The following TAF4B variants were observed in gnomAD, a reference collection of about 807,000 sequenced individuals.
The protein encoded by TAF4B is TATA-box binding protein associated factor 4b.
TAF4B carries 38 observed loss-of-function variants against 86.4 expected under a neutral mutation model. The observed-to-expected ratio is 0.44, with a 90% CI of 0.34 to 0.58. The LOEUF is 0.58. Among genes scored for constraint, TAF4B ranks in the 20% least tolerant of loss-of-function variants. TAF4B has a pLI of 0.02. For synonymous variants in TAF4B, 388 were observed against 391.2 expected (o/e 0.99, Z 0.10); for missense variants, 988 against 1,027.6 (o/e 0.96, Z 0.53).
At chr18:26,317,012 C>T (rs537043650) in intron 10 of TAF4B, among the ~76,000 whole-genome samples, 1 of 147,398 alleles carries the variant, frequency 6.8e-6, no homozygotes, top group African/African-American at 2.5e-5. Flanking sequence ...TTTTATCGGT[C>T]ACCCTCCCTT....
chr18:26,281,681 G>C (rs567475997), intron 5 of TAF4B, among the ~76,000 whole-genome samples: 2 of 152,120 alleles, frequency 1.3e-5, no homozygotes, highest in Non-Finnish European at 2.9e-5. Context: ...ATTCTTAATT[G>C]TTCTTAACAG....
In TAF4B at chr18:26,226,825, C is replaced by T. The variant is rs917877973; in HGVS notation, c.-109C>T. The T allele has an allele frequency of 1.8e-5, 16 of 899,176 alleles. No homozygotes were observed. The highest frequency in any genetic ancestry group is 4.3e-5 in the Admixed American group (1 of 23,382). 55.7% of individuals were successfully genotyped at this position (899,176 alleles called of 1,614,324 possible). A position where few individuals can be genotyped will look rare whatever the true frequency, so the allele number is the denominator to read the frequency against. The stretch of plus-strand genomic sequence containing the variant: ...CTGCGGCCCCCGCGCCTCTCCCCAG[C>T]GATGCTGTGGAACCCGAACCGCACC... On this transcript the variant is annotated 5_prime_UTR_variant, in exon 1 of 15. Coordinates refer to ENST00000269142, the MANE Select transcript of TAF4B (RefSeq NM_005640.3).
chr18:26,278,400 G>T (rs1163836511), intron 5 of TAF4B, among the ~76,000 whole-genome samples: 2 of 152,072 alleles, frequency 1.3e-5, no homozygotes, highest in Non-Finnish European at 2.9e-5. Context: ...AAACTTACGG[G>T]CTCAAGGGCT....
intron 1 of TAF4B, among the ~76,000 whole-genome samples, chr18:26,238,754 G>T (rs577194382): frequency 6.6e-6 from 1 of 151,874 alleles, no homozygotes; most frequent in African/African-American, 2.4e-5. Context: ...CCCACCCCAC[G>T]ACAGGCCCCA....
chr18:26,323,999 A>G (rs1022615895), intron 11 of TAF4B, among the ~76,000 whole-genome samples: 2 of 151,842 alleles, frequency 1.3e-5, no homozygotes, highest in Non-Finnish European at 1.5e-5. Flanking sequence ...TCTGCTTCTT[A>G]TGTTTAATTG....
rs1276891207 is a variant in TAF4B at position 26,390,254 on chromosome 18, C to T, written c.*242C>T. 6 of 390,528 alleles carry T rather than the reference C, an allele frequency of 1.5e-5. No individual in the cohort carries two copies. Among genetic ancestry groups the T allele is most frequent in the Admixed American group, 4.3e-5 (1 of 23,034 alleles). The allele number at this position is 390,528 out of a possible 1,614,324, so 24.2% of individuals were successfully genotyped here. A position where few individuals can be genotyped will look rare whatever the true frequency, so the allele number is the denominator to read the frequency against. ...CACTTTGCACAGAATTAGGCATCTG[C>T]CTATCTGTGCATTAAATTAAAGCAA... On this transcript the variant is annotated 3_prime_UTR_variant, in exon 15 of 15. Transcript: ENST00000269142.
rs1350393878 is a variant in TAF4B at position 26,285,999 on chromosome 18, TCTC to T, written c.1093_1095del (p.Pro365del). 1.2e-6 allele frequency: 2 copies of T among 1,614,180 alleles called. No homozygotes were observed. The highest frequency in any genetic ancestry group is 1.7e-5 in the Admixed American group (1 of 60,028). ...TACCTGTACTACAACAGTAACAACT[TCTC>T]CTGTGGTGACAACTACAGTGTCCTC... is the stretch of plus-strand genomic sequence containing the variant. On this transcript the variant is annotated inframe_deletion, in exon 7 of 15. Coordinates refer to ENST00000269142, the MANE Select transcript of TAF4B (RefSeq NM_005640.3).
At chr18:26,299,801 A>C (rs1009193698) in intron 9 of TAF4B, among the ~76,000 whole-genome samples, 1 of 152,086 alleles carries the variant, frequency 6.6e-6, no homozygotes, top group Non-Finnish European at 1.5e-5. Flanking sequence ...TTTCAGATTT[A>C]TCAGCAAGAA....
intron 5 of TAF4B, 148 bp from the exon 6 acceptor site, chr18:26,281,823 T>C (rs2144583912): frequency 3.4e-6 from 2 of 587,866 alleles, no homozygotes; most frequent in East Asian, 5.7e-5. Flanking sequence ...CTTACACATT[T>C]CATAGGTGGC....
chr18:26,352,383 AAATTGG>A (rs745666948), intron 13 of TAF4B, among the ~76,000 whole-genome samples: 3 of 151,984 alleles, frequency 2.0e-5, no homozygotes, highest in Non-Finnish European at 4.4e-5. Flanking sequence ...CTTCCTTGAG[AAATTGG>A]AATAGGAAGA....
chr18:26,282,494 A>T (rs980263048), intron 6 of TAF4B, among the ~76,000 whole-genome samples: 1 of 152,228 alleles, frequency 6.6e-6, no homozygotes, highest in Non-Finnish European at 1.5e-5. Context: ...TATGCTAATT[A>T]AAAAATATTT....
intron 1 of TAF4B, among the ~76,000 whole-genome samples, chr18:26,228,548 G>A (rs1435143672): frequency 6.6e-6 from 1 of 152,028 alleles, no homozygotes; most frequent in East Asian, 1.9e-4. Context: ...AGTTCTGAAT[G>A]TGTTAGAATG....
rs143541739 is a variant in TAF4B, at chr18:26,302,867, C to CT, written c.1832+9343dup. ...GGATCTTCTCTTTTTTTTAATCTTT[C>CT]TTTTTTTAAAATGCCTCTAATCAAT... On this transcript the variant is annotated intron_variant, in intron 9 of 14. Transcript: ENST00000269142. Among the ~76,000 whole-genome samples, 480 of 151,830 alleles carry CT rather than the reference C, an allele frequency of 3.2e-3. 4 individuals carry two copies. Among genetic ancestry groups the CT allele is most frequent in the African/African-American group, 0.011 (456 of 41,406 alleles).
chr18:26,307,650 A>G (rs539684111), intron 9 of TAF4B, among the ~76,000 whole-genome samples: 150 of 152,314 alleles, frequency 9.8e-4, no homozygotes, highest in African/African-American at 3.5e-3. Flanking sequence ...ATTACTTTAA[A>G]AAGACACTCT....
intron 10 of TAF4B, among the ~76,000 whole-genome samples, chr18:26,320,385 C>G (rs1015329700): frequency 6.6e-6 from 1 of 152,024 alleles, no homozygotes; most frequent in Non-Finnish European, 1.5e-5. Context: ...AGTATGTGGT[C>G]CAAATTGTTT....
chr18:26,255,603 C>CAAAAAAAAAAAAA lies in TAF4B; in HGVS notation c.344-9564_344-9552dup, dbSNP rs71169836. The CAAAAAAAAAAAAA allele has an allele frequency of 3.9e-3, 1,873 of 483,046 alleles. 9 individuals are homozygous for CAAAAAAAAAAAAA. Among genetic ancestry groups the CAAAAAAAAAAAAA allele is most frequent in the South Asian group, 5.6e-3 (209 of 37,202 alleles). 29.9% of individuals were successfully genotyped at this position (483,046 alleles called of 1,614,324 possible). On this transcript the variant is annotated intron_variant, in intron 1 of 14. Coordinates refer to ENST00000269142, the MANE Select transcript of TAF4B (RefSeq NM_005640.3). ...GACAACAAGAGCAAAACTCTGTCTC[C>CAAAAAAAAAAAAA]AAAAAAAAAAAAAAAGAGGGTCAGT...
intron 10 of TAF4B, among the ~76,000 whole-genome samples, chr18:26,315,865 AGG>A (rs2056905766): frequency 6.6e-6 from 1 of 152,150 alleles, no homozygotes. Context: ...GGTCCTCTCT[AGG>A]CCCAGGAGTA....
chr18:26,314,202 AAAC>A (rs1321214935), intron 9 of TAF4B, among the ~76,000 whole-genome samples: 22 of 152,314 alleles, frequency 1.4e-4, no homozygotes, highest in Admixed American at 5.9e-4. Context: ...CAATAAAGAG[AAAC>A]AACATCTTTT....
intron 13 of TAF4B, among the ~76,000 whole-genome samples, chr18:26,350,018 G>A (rs1445057721): frequency 6.6e-6 from 1 of 152,090 alleles, no homozygotes; most frequent in Non-Finnish European, 1.5e-5. Context: ...ATATGCAGAA[G>A]AATAAATGTA....
Sources: allele counts gnomAD v4.1 joint callset (sites outside exome capture counted in the v4.1 genomes callset), GRCh38; gene constraint gnomAD v4.1.1; transcripts MANE v1.5; gene names NCBI Gene and HGNC (gene_info 2026-07-23, HGNC 2026-07-21).